TNIK: variants seen among roughly 807,000 people sequenced by gnomAD.
The protein encoded by TNIK is TRAF2 and NCK interacting kinase, also known as TRAF2 and NCK-interacting protein kinase.
A neutral mutation model predicts 191.3 loss-of-function variants in TNIK; 49 were observed. That is an observed-to-expected ratio of 0.26 (90% CI 0.20 to 0.32). The LOEUF (loss-of-function observed/expected upper bound fraction) is 0.32, where lower values mean the gene tolerates loss of function less well. Ranked by LOEUF, TNIK falls within the 10% of genes least tolerant of loss-of-function variation. The pLI, the probability that TNIK is intolerant of heterozygous loss-of-function variation, is 1.00. For synonymous variants in TNIK, 594 were observed against 600.9 expected, an observed-to-expected ratio of 0.99 and a Z score of 0.17; for missense variants, 1,155 against 1,702.3, an observed-to-expected ratio of 0.68 and a Z score of 5.66.
intron 12 of TNIK, among the ~76,000 whole-genome samples, chr3:171,148,756 G>A (rs1200833277): frequency 6.6e-6 from 1 of 152,182 alleles, no homozygotes; most frequent in African/African-American, 2.4e-5. Flanking sequence ...GGGCAGATAT[G>A]CAGGGAATTT....
At position 171,460,074 on chromosome 3, in the gene TNIK, T is replaced by C; in HGVS notation, c.-11A>G. The C allele has an allele frequency of 6.2e-7, 1 of 1,602,892 alleles. No homozygotes were observed. Among genetic ancestry groups the C allele is most frequent in the Non-Finnish European group, 8.5e-7 (1 of 1,174,628 alleles). On this transcript the variant is annotated 5_prime_UTR_variant, in exon 1 of 33. Transcript: ENST00000436636. This position sits in a 1 kb window ranked among gnomAD's most constrained non-coding sequence, Gnocchi z 6.8. ...GGAGTCGCTCGCCATGTCTACTTCT[T>C]CGCTGGAGAAATGGACCAAAACCAC...
chr3:171,225,922 C>T (rs549541500), intron 3 of TNIK, among the ~76,000 whole-genome samples: 1 of 152,302 alleles, frequency 6.6e-6, no homozygotes, highest in Admixed American at 6.5e-5. Flanking sequence ...CTGCCAAGCT[C>T]ATCTCATTAT....
chr3:171,331,388 G>T (rs2172390), intron 2 of TNIK, among the ~76,000 whole-genome samples: 97,906 of 152,034 alleles, frequency 0.64, 31,781 homozygotes, highest in East Asian at 0.79. Flanking sequence ...ATGACAAGGT[G>T]TATTATTTTT....
intron 2 of TNIK, chr3:171,346,947 A>C: frequency 1.9e-6 from 1 of 520,928 alleles, no homozygotes; most frequent in Non-Finnish European, 3.3e-6. Context: ...TCAAATAAGC[A>C]TTTTAATATG....
At chr3:171,072,362 C>T (rs922785029) in intron 28 of TNIK, among the ~76,000 whole-genome samples, 2 of 152,090 alleles carry the variant, frequency 1.3e-5, no homozygotes, top group African/African-American at 2.4e-5. Flanking sequence ...GTTTATTAGA[C>T]TATTTTTGCT....
At chr3:171,101,916 C>T (rs1235971898) in intron 21 of TNIK, 4 of 237,208 alleles carry the variant, frequency 1.7e-5, no homozygotes, top group African/African-American at 9.0e-5. Flanking sequence ...CACATATATA[C>T]AAACATTGGG....
At chr3:171,266,372 T>C (rs1748407491) in intron 2 of TNIK, among the ~76,000 whole-genome samples, 1 of 152,220 alleles carries the variant, frequency 6.6e-6, no homozygotes, top group African/African-American at 2.4e-5. Context: ...TAGGGTCTAA[T>C]ACATAAGAGT....
At chr3:171,363,820 G>A (rs954786373) in intron 2 of TNIK, among the ~76,000 whole-genome samples, 9 of 152,314 alleles carry the variant, frequency 5.9e-5, no homozygotes, top group African/African-American at 2.2e-4. Flanking sequence ...CTCAGGTCTT[G>A]AGTTAAATTA....
chr3:171,334,598 T>C (rs1756761161), intron 2 of TNIK, among the ~76,000 whole-genome samples: 2 of 152,186 alleles, frequency 1.3e-5, no homozygotes, highest in African/African-American at 4.8e-5. Context: ...CAAGCTACCT[T>C]CTGGCTCATT....
intron 3 of TNIK, among the ~76,000 whole-genome samples, chr3:171,212,184 T>A (rs1315381068): frequency 6.6e-6 from 1 of 152,086 alleles, no homozygotes; most frequent in Non-Finnish European, 1.5e-5. Context: ...TGTACCCTCC[T>A]CCACTCCGGC....
intron 7 of TNIK, among the ~76,000 whole-genome samples, chr3:171,183,738 C>T (rs544084010): frequency 1.3e-5 from 2 of 152,028 alleles, no homozygotes; most frequent in South Asian, 4.2e-4. Flanking sequence ...CTGGCCAACA[C>T]AGTGAAACCC....
chr3:171,104,689 ATTG>A lies in TNIK; in HGVS notation c.2406+2491_2406+2493del, dbSNP rs1385238332. ...TAAATATTAGTTCAATTTTTGAACT[ATTG>A]TTTAAAAATTTTTAGCTTTTTTTTC... On this transcript the variant is annotated intron_variant, in intron 21 of 32. Transcript: ENST00000436636. Among the ~76,000 whole-genome samples, 6 of 152,046 alleles carry A rather than the reference ATTG, an allele frequency of 3.9e-5. 1 individual carries two copies. Among genetic ancestry groups the A allele is most frequent in the African/African-American group, 9.7e-5 (4 of 41,370 alleles).
At chr3:171,140,177 G>T (rs568509575) in intron 13 of TNIK, among the ~76,000 whole-genome samples, 1 of 152,200 alleles carries the variant, frequency 6.6e-6, no homozygotes, top group Non-Finnish European at 1.5e-5. Flanking sequence ...GGAAGATCCG[G>T]GTATGTCAGG....
At chr3:171,258,669 G>A (rs1299331643) in intron 2 of TNIK, among the ~76,000 whole-genome samples, 1 of 152,054 alleles carries the variant, frequency 6.6e-6, no homozygotes, top group African/African-American at 2.4e-5. Context: ...GCCCAATTTA[G>A]GACTTCGCTC....
chr3:171,385,101 G>A (rs1306904167), intron 1 of TNIK, among the ~76,000 whole-genome samples: 1 of 152,154 alleles, frequency 6.6e-6, no homozygotes, highest in Non-Finnish European at 1.5e-5. Flanking sequence ...GGCACACGGA[G>A]GTCAAAACGG....
rs375912003 is a variant in TNIK at position 171,194,538 on chromosome 3, C to T, written c.404G>A (p.Arg135Lys). Residue 135 changes from arginine to lysine, a missense_variant, in exon 5 of 33, where the codon AGG becomes AAG. Transcript: ENST00000436636. ...CTCGTAACCTACCCGTAAGATTTCC[C>T]TGCAGATGTATGCAATCCACTCCTC... ...LKEEWIAYICREILRGLSHLH... is the reference protein window; with the variant it reads ...LKEEWIAYICKEILRGLSHLH... The T allele has an allele frequency of 2.0e-5, 32 of 1,613,696 alleles. No homozygotes were observed. Among genetic ancestry groups the T allele is most frequent in the Non-Finnish European group, 2.6e-5 (31 of 1,179,826 alleles).
intron 2 of TNIK, among the ~76,000 whole-genome samples, chr3:171,365,158 A>ATTTTTT (rs1715515509): frequency 3.9e-5 from 2 of 51,592 alleles, no homozygotes; most frequent in Non-Finnish European, 9.9e-5. Context: ...AAAGGACTAC[A>ATTTTTT]TTCTTTTTTT....
chr3:171,140,374 G>C, intron 13 of TNIK, 25 bp downstream of exon 13: 1 of 1,523,694 alleles, frequency 6.6e-7, no homozygotes, highest in Non-Finnish European at 8.8e-7. Context: ...GGGGCCATCA[G>C]TGGGGCTCCT....
chr3:171,066,198 T>G lies in TNIK; in HGVS notation c.3988A>C (p.Arg1330=). ...RAQRLKFLCE[R]NDKVFFASVR... ...TGAAACGGATTTACCTTATCATTTC[T>G]TTCACATAGAAACTTTAACCTTTGA... Residue 1330 remains arginine, a synonymous_variant, in exon 32 of 33, where the codon AGA becomes CGA. Transcript: ENST00000436636. 6.2e-7 allele frequency: 1 copy of G among 1,613,632 alleles called. No homozygotes were observed. The highest frequency in any genetic ancestry group is 8.5e-7 in the Non-Finnish European group (1 of 1,179,876).
Sources: gnomAD v4.1 joint callset for allele counts (sites outside exome capture counted in the v4.1 genomes callset) on GRCh38, gnomAD v4.1.1 for gene constraint, Gnocchi (gnomAD v3.1) non-coding constraint, MANE v1.5 for transcripts, NCBI Gene and HGNC (gene_info 2026-07-23, HGNC 2026-07-21) for gene names.